Variants in ST6GALNAC5 observed in about 807,000 individuals in gnomAD.
ST6GALNAC5 encodes alpha-N-acetylgalactosaminide alpha-2,6-sialyltransferase 5.
A neutral mutation model predicts 33.6 loss-of-function variants in ST6GALNAC5; 27 were observed. The ratio of observed to expected loss-of-function variants is 0.80; its 90% CI spans 0.59 to 1.11. The LOEUF is 1.11. Ranked by LOEUF, ST6GALNAC5 falls within the 50% of genes least tolerant of loss-of-function variation. ST6GALNAC5 has a pLI of 0.00. For synonymous variants in ST6GALNAC5, 194 were observed against 171.2 expected, an observed-to-expected ratio of 1.13 and a Z score of -1.04; for missense variants, 428 against 454.0, an observed-to-expected ratio of 0.94 and a Z score of 0.52.
intron 2 of ST6GALNAC5, among the ~76,000 whole-genome samples, chr1:76,941,454 A>G (rs757414562): frequency 6.6e-6 from 1 of 152,084 alleles, no homozygotes; most frequent in Non-Finnish European, 1.5e-5. Context: ...CCCTTGCTAC[A>G]GTGGGTGGCT....
chr1:77,037,390 G>A (rs1651683036), intron 2 of ST6GALNAC5, among the ~76,000 whole-genome samples: 1 of 152,076 alleles, frequency 6.6e-6, no homozygotes, highest in South Asian at 2.1e-4. Flanking sequence ...AGACACTGGA[G>A]ACTACTAGAG....
At chr1:76,982,794 T>C (rs767489485) in intron 2 of ST6GALNAC5, among the ~76,000 whole-genome samples, 2 of 151,046 alleles carry the variant, frequency 1.3e-5, no homozygotes, top group Non-Finnish European at 2.9e-5. Context: ...GGGAAGCCCA[T>C]CAGACTAACA....
chr1:77,055,510 C>T (rs1041042808), intron 4 of ST6GALNAC5, among the ~76,000 whole-genome samples: 9 of 152,172 alleles, frequency 5.9e-5, no homozygotes, highest in Admixed American at 3.9e-4. Context: ...ATTAATATCA[C>T]CATTTTACAT....
At chr1:76,892,854 C>A (rs1439376471) in intron 2 of ST6GALNAC5, among the ~76,000 whole-genome samples, 1 of 152,120 alleles carries the variant, frequency 6.6e-6, no homozygotes, top group Non-Finnish European at 1.5e-5. Flanking sequence ...TCCAATTGTG[C>A]AAAGAAGGGG....
rs150852560 is a variant in ST6GALNAC5 at position 76,904,278 on chromosome 1, G to C, written c.261+35536G>C. Among the ~76,000 whole-genome samples, 82 of 152,230 alleles carry C rather than the reference G, an allele frequency of 5.4e-4. No homozygotes were observed. The East Asian group carries it at 0.016, about 29-fold the overall frequency. ...GTCTTTGCAAAGGAAGGTTATATTAGAGCTCAGTTGAGAAGAGAAAGGGAA... is the reference window on the plus strand; with the variant it reads ...GTCTTTGCAAAGGAAGGTTATATTACAGCTCAGTTGAGAAGAGAAAGGGAA... On this transcript the variant is annotated intron_variant, in intron 2 of 4. Transcript: ENST00000477717.
At chr1:76,985,275 C>G (rs1649442931) in intron 2 of ST6GALNAC5, among the ~76,000 whole-genome samples, 1 of 152,190 alleles carries the variant, frequency 6.6e-6, no homozygotes, top group Admixed American at 6.6e-5. Flanking sequence ...CCCATCATGT[C>G]AGCCCAAATC....
At chr1:76,949,108 G>T (rs766691371) in intron 2 of ST6GALNAC5, among the ~76,000 whole-genome samples, 4 of 152,168 alleles carry the variant, frequency 2.6e-5, no homozygotes, top group Non-Finnish European at 5.9e-5. Context: ...TGCCAGGTAT[G>T]TGCTCAGCCA....
intron 4 of ST6GALNAC5, among the ~76,000 whole-genome samples, chr1:77,052,917 C>CAAAAAAAA (rs34398611): frequency 2.9e-5 from 2 of 69,978 alleles, no homozygotes; most frequent in African/African-American, 6.4e-5. Flanking sequence ...GGCTCTGTCT[C>CAAAAAAAA]AAAAAAAAAA....
intron 2 of ST6GALNAC5, among the ~76,000 whole-genome samples, chr1:76,972,840 A>G (rs1648818840): frequency 6.6e-6 from 1 of 152,136 alleles, no homozygotes; most frequent in Non-Finnish European, 1.5e-5. Context: ...TGCCTAATAC[A>G]TTTAGATTTT....
chr1:76,967,740 C>T (rs1648562043), intron 2 of ST6GALNAC5, among the ~76,000 whole-genome samples: 1 of 152,204 alleles, frequency 6.6e-6, no homozygotes, highest in African/African-American at 2.4e-5. Context: ...TTTCCCTCTA[C>T]ACACTGCTTT....
chr1:77,005,009 G>T (rs1391692177), intron 2 of ST6GALNAC5, among the ~76,000 whole-genome samples: 1 of 150,862 alleles, frequency 6.6e-6, no homozygotes, highest in Non-Finnish European at 1.5e-5. Flanking sequence ...TGGAGCTGTG[G>T]TGGGCTCCAC....
chr1:76,989,096 A>T (rs1649621440), intron 2 of ST6GALNAC5, among the ~76,000 whole-genome samples: 1 of 152,022 alleles, frequency 6.6e-6, no homozygotes, highest in Non-Finnish European at 1.5e-5. Context: ...TGTCTGCCGA[A>T]AGGATTCTTT....
chr1:76,977,739 G>T (rs1451423049), intron 2 of ST6GALNAC5, among the ~76,000 whole-genome samples: 1 of 152,152 alleles, frequency 6.6e-6, no homozygotes, highest in Non-Finnish European at 1.5e-5. Context: ...TAGGCATTTA[G>T]ATTGATTCTA....
chr1:76,972,036 T>G (rs909464689), intron 2 of ST6GALNAC5, among the ~76,000 whole-genome samples: 1 of 152,204 alleles, frequency 6.6e-6, no homozygotes, highest in Non-Finnish European at 1.5e-5. Flanking sequence ...TATAATCATT[T>G]TGTATTAGTC....
chr1:77,037,188 A>G (rs1027758416), intron 2 of ST6GALNAC5, among the ~76,000 whole-genome samples: 1 of 152,228 alleles, frequency 6.6e-6, no homozygotes, highest in African/African-American at 2.4e-5. Context: ...CTCAGTTTAA[A>G]GTTTGGCTTT....
At chr1:76,973,579 G>T (rs912348089) in intron 2 of ST6GALNAC5, among the ~76,000 whole-genome samples, 2 of 151,996 alleles carry the variant, frequency 1.3e-5, no homozygotes, top group Non-Finnish European at 2.9e-5. Context: ...CCAAATATCT[G>T]AGGACTGTGA....
At chr1:76,955,520 T>C (rs1647923448) in intron 2 of ST6GALNAC5, among the ~76,000 whole-genome samples, 1 of 152,122 alleles carries the variant, frequency 6.6e-6, no homozygotes, top group African/African-American at 2.4e-5. Context: ...TTTTTTAACA[T>C]AGAGTAAATT....
chr1:76,911,427 G>A (rs1416782392), intron 2 of ST6GALNAC5, among the ~76,000 whole-genome samples: 6 of 152,050 alleles, frequency 3.9e-5, no homozygotes, highest in South Asian at 4.1e-4. Flanking sequence ...GTCTCTGCCC[G>A]GCTTTGCTAT....
At chr1:76,881,398 T>TC (rs1221310519) in intron 2 of ST6GALNAC5, among the ~76,000 whole-genome samples, 2 of 152,232 alleles carry the variant, frequency 1.3e-5, no homozygotes, top group Non-Finnish European at 2.9e-5. Context: ...AGACAGCCCA[T>TC]CTGCAGTGAA....
Sources: gnomAD v4.1 joint callset for allele counts (sites outside exome capture counted in the v4.1 genomes callset) on GRCh38, gnomAD v4.1.1 for gene constraint, MANE v1.5 for transcripts, NCBI Gene and HGNC (gene_info 2026-07-23, HGNC 2026-07-21) for gene names.